SIPA1L2: variants seen among roughly 807,000 people sequenced by gnomAD.
The protein encoded by SIPA1L2 is signal induced proliferation associated 1 like 2, also known as signal-induced proliferation-associated 1-like protein 2.
In SIPA1L2, 56 loss-of-function variants were observed where a neutral mutation model predicts 163.9. The observed-to-expected ratio is 0.34, with a 90% confidence interval of 0.28 to 0.43. SIPA1L2 has a LOEUF of 0.43. SIPA1L2 is among the 20% of genes least tolerant of loss of function. The pLI is 1.00. For missense variants in SIPA1L2, 1,974 were observed against 2,193.5 expected, an observed-to-expected ratio of 0.90 and a Z score of 2.00; for synonymous variants, 877 against 865.7, an observed-to-expected ratio of 1.01 and a Z score of -0.23.
At chr1:232,410,057 C>T (rs1660860864) in intron 19 of SIPA1L2, among the ~76,000 whole-genome samples, 1 of 152,036 alleles carries the variant, frequency 6.6e-6, no homozygotes, top group East Asian at 1.9e-4. Flanking sequence ...TTATCTCCAA[C>T]ATTTATCCCT....
At chr1:232,442,577 A>AT (rs1340492833) in intron 12 of SIPA1L2, among the ~76,000 whole-genome samples, 1 of 151,888 alleles carries the variant, frequency 6.6e-6, no homozygotes, top group Non-Finnish European at 1.5e-5. Context: ...AGGAAAAAAA[A>AT]GATTAACTCT....
At chr1:232,547,618 G>C (rs942408692) in intron 2 of SIPA1L2, among the ~76,000 whole-genome samples, 1 of 151,772 alleles carries the variant, frequency 6.6e-6, no homozygotes. Flanking sequence ...AGATAAGAGT[G>C]AGAAAAAGTA....
In SIPA1L2 at chr1:232,403,509, C is replaced by A. The variant is rs377108333; in HGVS notation, c.4879G>T (p.Ala1627Ser). 320 of 1,614,014 alleles carry A rather than the reference C, an allele frequency of 2.0e-4. 1 individual carries two copies. The highest frequency in any genetic ancestry group is 2.5e-4 in the Non-Finnish European group (298 of 1,180,014). ...DMQHGQDLEGAQELPLCVDPG... is the reference protein window; with the variant it reads ...DMQHGQDLEGSQELPLCVDPG... Reference sequence around the variant, plus strand: ...TCTACACATAAGGGCAGCTCTTGGGCCCCTTCCAGGTCCTGCCCATGCTGC... The same window carrying A: ...TCTACACATAAGGGCAGCTCTTGGGACCCTTCCAGGTCCTGCCCATGCTGC... The change falls in exon 21 of 23, where the codon GCC (alanine) becomes TCC (serine). Residue 1627 changes from alanine to serine, a missense_variant. By Grantham distance (99) the Ala-to-Ser change is moderately conservative. Around this residue, in one of 3 missense-constraint regions of SIPA1L2, gnomAD observed 1,079 missense variants for 1,150.7 expected, o/e 0.94. Transcript: ENST00000674635.
At chr1:232,619,241 C>G (rs1198120728) in intron 1 of SIPA1L2, among the ~76,000 whole-genome samples, 1 of 152,226 alleles carries the variant, frequency 6.6e-6, no homozygotes, top group Admixed American at 6.5e-5. Flanking sequence ...AAGCTTAACT[C>G]AAGTTCTATC....
intron 3 of SIPA1L2, among the ~76,000 whole-genome samples, chr1:232,503,427 A>G (rs549919436): frequency 2.0e-5 from 3 of 152,340 alleles, no homozygotes; most frequent in African/African-American, 7.2e-5. Flanking sequence ...AGAGAGGTTT[A>G]AGTGGTAACT....
chr1:232,464,703 T>G (rs1664415776), intron 9 of SIPA1L2, 137 bp downstream of exon 9: 4 of 700,248 alleles, frequency 5.7e-6, no homozygotes, highest in Non-Finnish European at 9.0e-6. Flanking sequence ...GCATTTAAAA[T>G]TAAGCTCTGT....
intron 2 of SIPA1L2, among the ~76,000 whole-genome samples, chr1:232,566,078 A>T (rs1259805178): frequency 6.6e-6 from 1 of 152,206 alleles, no homozygotes; most frequent in Non-Finnish European, 1.5e-5. Context: ...GAAAATATAG[A>T]TGTTGGAAAT....
At position 232,403,670 on chromosome 1, in the gene SIPA1L2, C is replaced by T. The variant is rs1161995814; in HGVS notation, c.4817-99G>A. ...CAATAGCTAAATAAAATCTTTTCCC[C>T]CCTTCAAACCAGTTACTGCCTTGTT... On this transcript the variant is annotated intron_variant, in intron 20 of 22. Coordinates refer to ENST00000674635, the MANE Select transcript of SIPA1L2 (RefSeq NM_020808.5). The T allele has an allele frequency of 2.1e-6, 3 of 1,428,778 alleles. No homozygotes were observed. The African/African-American group carries it at 4.3e-5, about 20-fold the overall frequency. The allele number at this position is 1,428,778 out of a possible 1,614,324, so 88.5% of individuals were successfully genotyped here. A position where few individuals can be genotyped will look rare whatever the true frequency, so the allele number is the denominator to read the frequency against.
chr1:232,630,301 C>G (rs952156394), upstream of SIPA1L2, among the ~76,000 whole-genome samples: 1 of 151,874 alleles, frequency 6.6e-6, no homozygotes, highest in African/African-American at 2.4e-5. Context: ...GCAGCCGGTG[C>G]GCTGTTCCCA....
At chr1:232,599,462 G>A (rs2102850495) in intron 1 of SIPA1L2, among the ~76,000 whole-genome samples, 1 of 152,294 alleles carries the variant, frequency 6.6e-6, no homozygotes, top group Non-Finnish European at 1.5e-5. Context: ...TTTATCTGTT[G>A]CAGGAAGTTG....
rs550154991 is a variant in SIPA1L2 at position 232,445,720 on chromosome 1, G to A, written c.3162C>T (p.Cys1054=). ...EYKLDSEGTP[C]EYKTPFRRNT... ...TCCTCCTGAAGGGGGTTTTATACTC[G>A]CAGGGGGTGCCCTCGCTGTCGAGTT... is the stretch of plus-strand genomic sequence containing the variant. Residue 1054 remains cysteine (C), a synonymous_variant, in exon 11 of 23, where the codon TGC becomes TGT. Coordinates refer to ENST00000674635, the MANE Select transcript of SIPA1L2 (RefSeq NM_020808.5). 40 of 1,613,666 alleles carry A rather than the reference G, an allele frequency of 2.5e-5. No homozygotes were observed. The highest frequency in any genetic ancestry group is 1.7e-4 in the Middle Eastern group (1 of 5,888).
intron 2 of SIPA1L2, among the ~76,000 whole-genome samples, chr1:232,532,487 C>A (rs1194146685): frequency 6.6e-6 from 1 of 152,310 alleles, no homozygotes; most frequent in African/African-American, 2.4e-5. Context: ...ACCTTGAAAT[C>A]TTCCAGCTCA....
chr1:232,601,962 G>A (rs1399205239), intron 1 of SIPA1L2, among the ~76,000 whole-genome samples: 1 of 152,188 alleles, frequency 6.6e-6, no homozygotes, highest in Non-Finnish European at 1.5e-5. Flanking sequence ...ATGTGAAGGA[G>A]TATATGTTTT....
In SIPA1L2 at chr1:232,530,349, C is replaced by T. The variant is rs535188075; in HGVS notation, c.-269-14741G>A. 2.0e-5 allele frequency among the ~76,000 whole-genome samples: 3 copies of T among 152,206 alleles called. No homozygotes were observed. The East Asian group carries it at 5.8e-4, about 29-fold the overall frequency. On this transcript the variant is annotated intron_variant, in intron 2 of 22. Coordinates refer to ENST00000674635, the MANE Select transcript of SIPA1L2 (RefSeq NM_020808.5). ...CAGGATGGTCTCAATCTCCTGACCT[C>T]GTGATCCACCCGCCTCGGCCTCCCA...
At chr1:232,608,638 C>T (rs1053004295) in intron 1 of SIPA1L2, among the ~76,000 whole-genome samples, 4 of 152,120 alleles carry the variant, frequency 2.6e-5, no homozygotes, top group Non-Finnish European at 5.9e-5. Context: ...CCAAGTTACT[C>T]GAGTTACTAA....
intron 2 of SIPA1L2, among the ~76,000 whole-genome samples, chr1:232,519,287 A>G (rs1410948108): frequency 6.6e-6 from 1 of 152,120 alleles, no homozygotes; most frequent in Admixed American, 6.5e-5. Context: ...ATTCCCAAAC[A>G]TGGTAGTTAA....
chr1:232,522,767 G>C (rs569036914), intron 2 of SIPA1L2, among the ~76,000 whole-genome samples: 1 of 152,152 alleles, frequency 6.6e-6, no homozygotes, highest in Non-Finnish European at 1.5e-5. Context: ...ATCTAAAGCC[G>C]TGAAATAGCT....
At chr1:232,526,482 T>C (rs749039988) in intron 2 of SIPA1L2, among the ~76,000 whole-genome samples, 1 of 152,214 alleles carries the variant, frequency 6.6e-6, no homozygotes, top group South Asian at 2.1e-4. Flanking sequence ...CCTAAATGTA[T>C]GTGAAGCTCA....
chr1:232,567,480 G>C lies in SIPA1L2; in HGVS notation c.-270+6694C>G, dbSNP rs551495860. On this transcript the variant is annotated intron_variant, in intron 2 of 22. Transcript: ENST00000674635. ...TTATTCAACTAGCTATAACCTAATG[G>C]TAAGAACAGAAATTGGAAAAATGGA... Among the ~76,000 whole-genome samples, 78 of 151,938 alleles carry C rather than the reference G, an allele frequency of 5.1e-4. 1 individual carries two copies. The highest frequency in any genetic ancestry group is 1.8e-3 in the African/African-American group (75 of 41,342).
Sources: allele counts gnomAD v4.1 joint callset (sites outside exome capture counted in the v4.1 genomes callset), GRCh38; gene constraint gnomAD v4.1.1; regional missense constraint gnomAD v4.1.1; transcripts MANE v1.5; gene names NCBI Gene and HGNC (gene_info 2026-07-23, HGNC 2026-07-21).